TG: variants seen among roughly 807,000 people sequenced by gnomAD.
The protein encoded by TG is thyroglobulin, also known as thyroid hormones.
TG carries 270 observed loss-of-function variants against 324.7 expected under a neutral mutation model. That is an observed-to-expected ratio of 0.83 (90% CI 0.75 to 0.92). The LOEUF is 0.92. Ranked by LOEUF, TG falls within the 40% of genes least tolerant of loss-of-function variation. The pLI is 0.00. For missense variants in TG, 3,591 were observed against 3,456.4 expected (o/e 1.04, Z -0.98); for synonymous variants, 1,401 against 1,327.0 (o/e 1.06, Z -1.21).
At chr8:132,879,166 A>G (rs1814283849) in intron 5 of TG, among the ~76,000 whole-genome samples, 1 of 152,234 alleles carries the variant, frequency 6.6e-6, no homozygotes, top group Non-Finnish European at 1.5e-5. Context: ...TCATTTCAGA[A>G]ATTAGCCACA....
intron 34 of TG, 65 bp downstream of exon 34, chr8:132,972,806 A>C: frequency 4.4e-6 from 7 of 1,599,196 alleles, no homozygotes; most frequent in Non-Finnish European, 6.0e-6. Context: ...GCCATGCATT[A>C]GGACAATATT....
intron 16 of TG, among the ~76,000 whole-genome samples, chr8:132,903,290 C>T (rs1050688166): frequency 3.9e-5 from 6 of 152,154 alleles, no homozygotes; most frequent in African/African-American, 1.2e-4. Context: ...ATGGGTTTGA[C>T]GGTTGGGTAG....
At chr8:133,028,050 C>T (rs1225025822) in intron 40 of TG, among the ~76,000 whole-genome samples, 1 of 152,242 alleles carries the variant, frequency 6.6e-6, no homozygotes, top group Non-Finnish European at 1.5e-5. Flanking sequence ...ACATGCTCAC[C>T]TCTGACCTCT....
chr8:133,112,477 A>G (rs745326132), intron 43 of TG, among the ~76,000 whole-genome samples: 3 of 152,054 alleles, frequency 2.0e-5, no homozygotes, highest in Non-Finnish European at 2.9e-5. Flanking sequence ...CCAGACTCCC[A>G]CAGTGCAGAC....
chr8:133,018,043 T>G (rs1835204896), intron 38 of TG, 46 bp downstream of exon 38: 2 of 1,578,714 alleles, frequency 1.3e-6, no homozygotes, highest in Non-Finnish European at 1.7e-6. Context: ...CAGAGAAATC[T>G]CCTCCATTCT....
chr8:132,983,230 A>G lies in TG; in HGVS notation c.6200-120A>G, dbSNP rs10105779. 563,510 of 1,047,926 alleles carry G rather than the reference A, an allele frequency of 0.54. 158,092 individuals are homozygous for G. The highest frequency in any genetic ancestry group is 0.73 in the African/African-American group (46,807 of 63,920). The allele number at this position is 1,047,926 out of a possible 1,614,324, so 64.9% of individuals were successfully genotyped here. ...ACCCTGACCGATACAGGTTGGGACAATCTGTCTGCCTTCCAAGTCCAATTT... is the reference window on the plus strand; with the variant it reads ...ACCCTGACCGATACAGGTTGGGACAGTCTGTCTGCCTTCCAAGTCCAATTT... On this transcript the variant is annotated intron_variant, in intron 34 of 47. Coordinates refer to ENST00000220616, the MANE Select transcript of TG (RefSeq NM_003235.5).
At chr8:132,974,217 C>G (rs542605474) in intron 34 of TG, among the ~76,000 whole-genome samples, 1 of 152,238 alleles carries the variant, frequency 6.6e-6, no homozygotes, top group East Asian at 1.9e-4. Flanking sequence ...TGGCCTTGAA[C>G]TCCTGACCTC....
At chr8:133,036,435 G>T (rs531990345) in intron 41 of TG, among the ~76,000 whole-genome samples, 1 of 152,228 alleles carries the variant, frequency 6.6e-6, no homozygotes, top group African/African-American at 2.4e-5. Context: ...GCTATCACAA[G>T]TAACGTGCAG....
chr8:133,003,600 A>G (rs1318416768), intron 35 of TG, among the ~76,000 whole-genome samples: 1 of 152,172 alleles, frequency 6.6e-6, no homozygotes, highest in Admixed American at 6.5e-5. Context: ...GTCCGTTAAA[A>G]ATAAAAATTA....
chr8:133,116,405 C>T (rs553429369), intron 44 of TG, among the ~76,000 whole-genome samples: 21 of 152,354 alleles, frequency 1.4e-4, no homozygotes, highest in African/African-American at 5.0e-4. Context: ...AACTGTGTAC[C>T]TACCATACCC....
Position 132,961,147 on chromosome 8 carries a change from A to C in TG, c.5467+74A>C, listed in dbSNP as rs911254422. 5 of 1,422,156 alleles carry C rather than the reference A, an allele frequency of 3.5e-6. No individual in the cohort carries two copies. The Admixed American group carries it at 6.7e-5, about 19-fold the overall frequency. 88.1% of individuals were successfully genotyped at this position (1,422,156 alleles called of 1,614,324 possible). A position where few individuals can be genotyped will look rare whatever the true frequency, so the allele number is the denominator to read the frequency against. On this transcript the variant is annotated intron_variant, in intron 28 of 47. Coordinates refer to ENST00000220616, the MANE Select transcript of TG (RefSeq NM_003235.5). Reference sequence around the variant, plus strand: ...GATTGTCTGGCACCACCTCTCATTCACAGGGCACTCTATTTCTGTAGAGGA... The same window carrying C: ...GATTGTCTGGCACCACCTCTCATTCCCAGGGCACTCTATTTCTGTAGAGGA...
chr8:133,056,903 T>A (rs1219508090), intron 41 of TG, among the ~76,000 whole-genome samples: 1 of 152,122 alleles, frequency 6.6e-6, no homozygotes, highest in African/African-American at 2.4e-5. Flanking sequence ...TCCTAGGAAA[T>A]TCAGCTGGCG....
chr8:132,868,348 C>G (rs1399883951), intron 2 of TG, 125 bp downstream of exon 2: 1 of 881,040 alleles, frequency 1.1e-6, no homozygotes, highest in African/African-American at 1.7e-5. Context: ...TGGCCACTGT[C>G]ATTTGGAGGT....
intron 41 of TG, among the ~76,000 whole-genome samples, chr8:133,089,153 G>A (rs11988144): frequency 0.039 from 6,011 of 152,220 alleles, 408 homozygotes; most frequent in African/African-American, 0.14. Context: ...ACAAGTCACC[G>A]ATGGGCTCCC....
At chr8:132,921,851 T>G (rs1217513509) in intron 21 of TG, among the ~76,000 whole-genome samples, 1 of 152,160 alleles carries the variant, frequency 6.6e-6, no homozygotes, top group Non-Finnish European at 1.5e-5. Context: ...CTTTGTAACC[T>G]CCCACAAAAA....
In TG at chr8:132,933,817, C is replaced by G; in HGVS notation, c.4932+141C>G. On this transcript the variant is annotated intron_variant, in intron 24 of 47. Coordinates refer to ENST00000220616, the MANE Select transcript of TG (RefSeq NM_003235.5). The stretch of plus-strand genomic sequence containing the variant: ...CTCTGTTACCTCCATTTCTTCAAAG[C>G]AATGGGACTTTGGCAAATTGAAGCT... 6.3e-6 allele frequency: 5 copies of G among 787,818 alleles called. No homozygotes were observed. In the East Asian group the frequency reaches 1.3e-4, roughly 20 times the overall value. The allele number at this position is 787,818 out of a possible 1,614,324, so 48.8% of individuals were successfully genotyped here. A position where few individuals can be genotyped will look rare whatever the true frequency, so the allele number is the denominator to read the frequency against.
At chr8:132,963,486 C>G (rs1002618764) in intron 29 of TG, among the ~76,000 whole-genome samples, 3 of 152,150 alleles carry the variant, frequency 2.0e-5, no homozygotes, top group Admixed American at 2.0e-4. Context: ...TCATGGCATA[C>G]AGTGAAAGCT....
At chr8:132,902,160 G>A (rs2132294593) in intron 16 of TG, among the ~76,000 whole-genome samples, 1 of 152,266 alleles carries the variant, frequency 6.6e-6, no homozygotes, top group African/African-American at 2.4e-5. Context: ...TTTCCTTTCA[G>A]GGCAGGAAAT....
chr8:133,044,944 G>C (rs368065673), intron 41 of TG: 7 of 1,609,726 alleles, frequency 4.3e-6, no homozygotes, highest in Non-Finnish European at 1.7e-6. Flanking sequence ...GCTAAGAGGG[G>C]TCCCACCATC....
Sources: allele counts gnomAD v4.1 joint callset (sites outside exome capture counted in the v4.1 genomes callset), GRCh38; gene constraint gnomAD v4.1.1; transcripts MANE v1.5; gene names NCBI Gene and HGNC (gene_info 2026-07-23, HGNC 2026-07-21).